TBX15: variants seen among roughly 807,000 people sequenced by gnomAD.
TBX15 encodes the protein T-box transcription factor 15.
Under a neutral mutation model 53.9 loss-of-function variants are expected in TBX15, and 18 were observed. The observed-to-expected ratio is 0.33, with a 90% confidence interval of 0.23 to 0.49. The LOEUF (loss-of-function observed/expected upper bound fraction) is 0.49, where lower values mean the gene tolerates loss of function less well. Among genes scored for constraint, TBX15 ranks in the 20% least tolerant of loss-of-function variants. The pLI, the probability that TBX15 is intolerant of heterozygous loss-of-function variation, is 0.98. For synonymous variants in TBX15, 295 were observed against 278.0 expected (o/e 1.06, Z -0.61); for missense variants, 692 against 749.5 (o/e 0.92, Z 0.90).
chr1:118,893,313 G>A (rs9659346), intron 7 of TBX15, among the ~76,000 whole-genome samples: 900 of 89,738 alleles, frequency 0.01, 12 homozygotes, highest in African/African-American at 0.022. Context: ...AAGGAAGGAA[G>A]GAAAGAAAGA....
chr1:118,885,506 T>C lies in TBX15; in HGVS notation c.1035A>G (p.Thr345=), dbSNP rs1257960087. The change falls in exon 8 of 8, where the codon ACA becomes ACG. Residue 345 remains threonine (T), a synonymous_variant. Transcript: ENST00000369429. ...TTMQKQQGGS[T]GTSPTTSSTG... is the part of the protein sequence containing the mutation. Reference sequence around the variant, plus strand: ...TGCTGGAGGTGGTTGGGGAAGTGCCTGTGCTGCCTCCTGAAAAATAAAACG... The same window carrying C: ...TGCTGGAGGTGGTTGGGGAAGTGCCCGTGCTGCCTCCTGAAAAATAAAACG... 6.3e-7 allele frequency: 1 copy of C among 1,589,874 alleles called. No individual in the cohort carries two copies. The highest frequency in any genetic ancestry group is 8.6e-7 in the Non-Finnish European group (1 of 1,166,408).
intron 6 of TBX15, among the ~76,000 whole-genome samples, chr1:118,909,854 T>C (rs1654972138): frequency 6.6e-6 from 1 of 152,200 alleles, no homozygotes; most frequent in Admixed American, 6.5e-5. Context: ...GTGCTGGGAT[T>C]ACAGGCATGA....
At position 118,885,251 on chromosome 1, in the gene TBX15, T is replaced by C. The variant is rs1431436853; in HGVS notation, c.1290A>G (p.Ser430=). The part of the protein sequence containing the change: ...GYNRLQSGTT[S]ATQPSETFMP... ...TGAAGGTTTCAGAGGGCTGAGTGGC[T>C]GAAGTGGTGCCACTCTGAAGCCTGT... Residue 430 remains serine, a synonymous_variant, in exon 8 of 8, where the codon TCA becomes TCG. Coordinates refer to ENST00000369429, the MANE Select transcript of TBX15 (RefSeq NM_001330677.2). 6.2e-7 allele frequency: 1 copy of C among 1,614,132 alleles called. No homozygotes were observed. The highest frequency in any genetic ancestry group is 1.7e-5 in the Admixed American group (1 of 60,006).
upstream of TBX15, among the ~76,000 whole-genome samples, chr1:118,989,185 T>A (rs1337463921): frequency 6.6e-6 from 1 of 152,038 alleles, no homozygotes; most frequent in East Asian, 1.9e-4. Flanking sequence ...GAGAAGGAGC[T>A]TTTTCAAAAT....
rs138836364 is a variant in TBX15, at chr1:118,973,254, C to G, written c.205+14337G>C. ...AGTTGCTCAAATCAGGTCTCCCTGA[C>G]TCCTCCCTGCAGTTCAGTGCTACTT... On this transcript the variant is annotated intron_variant, in intron 1 of 7. Transcript: ENST00000369429. Among the ~76,000 whole-genome samples the G allele has an allele frequency of 5.7e-3, 869 of 152,260 alleles. 8 individuals carry two copies. The highest frequency in any genetic ancestry group is 0.02 in the African/African-American group (835 of 41,550).
intron 1 of TBX15, among the ~76,000 whole-genome samples, chr1:118,937,003 G>A (rs887657349): frequency 1.3e-5 from 2 of 152,192 alleles, no homozygotes; most frequent in Non-Finnish European, 2.9e-5. Context: ...AAGGCTGACT[G>A]TGACAGATAC....
At chr1:118,885,543 G>T (rs1310359381) in intron 7 of TBX15, 27 bp from the exon 8 acceptor site, 2 of 1,554,846 alleles carry the variant, frequency 1.3e-6, no homozygotes, top group South Asian at 2.4e-5. Flanking sequence ...GAATACTATT[G>T]AGACAGAGTC....
At chr1:118,969,607 A>T (rs1657166563) in intron 1 of TBX15, among the ~76,000 whole-genome samples, 1 of 152,176 alleles carries the variant, frequency 6.6e-6, no homozygotes, top group South Asian at 2.1e-4. Context: ...TCTAAAGAGG[A>T]TACAGAATAA....
At position 118,885,203 on chromosome 1, in the gene TBX15, C is replaced by G. The variant is rs1425538314; in HGVS notation, c.1338G>C (p.Leu446=). 1.2e-6 allele frequency: 2 copies of G among 1,614,022 alleles called. No homozygotes were observed. Among genetic ancestry groups the G allele is most frequent in the South Asian group, 1.1e-5 (1 of 91,090 alleles). Residue 446 remains leucine, a synonymous_variant, in exon 8 of 8, where the codon CTG becomes CTC. Coordinates refer to ENST00000369429, the MANE Select transcript of TBX15 (RefSeq NM_001330677.2). ...ETFMPQRTPS[L]ISGIPTPPSL... is the part of the protein sequence containing the mutation. ...AGGGAGGAGTTGGTATTCCTGAGAT[C>G]AGGGATGGAGTCCTCTGAGGCATGA...
chr1:118,926,966 T>C (rs1358835455), intron 2 of TBX15, among the ~76,000 whole-genome samples: 1 of 152,078 alleles, frequency 6.6e-6, no homozygotes, highest in Non-Finnish European at 1.5e-5. Flanking sequence ...CCTCGTGATC[T>C]GCCCACCTCG....
In TBX15 at chr1:118,885,031, T is replaced by C; in HGVS notation, c.1510A>G (p.Ser504Gly). 4.3e-6 allele frequency: 7 copies of C among 1,614,112 alleles called. No individual in the cohort carries two copies. Among genetic ancestry groups the C allele is most frequent in the Non-Finnish European group, 5.9e-6 (7 of 1,180,006 alleles). ...TGAAGGGAGAAGGCATTGTAGGAGC[T>C]CTGCTGCATGTGGCTGCCCCCGAAC... ...HMFGGSHMQQ[S>G]SYNAFSLHNP... The change falls in exon 8 of 8, where the codon AGC (serine) becomes GGC (glycine). Residue 504 changes from serine to glycine, a missense_variant. By Grantham distance (56) the Ser-to-Gly change is moderately conservative (BLOSUM62 0). Coordinates refer to ENST00000369429, the MANE Select transcript of TBX15 (RefSeq NM_001330677.2).
chr1:118,956,360 C>T (rs1315792039), intron 1 of TBX15, among the ~76,000 whole-genome samples: 1 of 151,944 alleles, frequency 6.6e-6, no homozygotes, highest in South Asian at 2.1e-4. Context: ...TCAATGCATG[C>T]GTCTCCAGTT....
intron 1 of TBX15, among the ~76,000 whole-genome samples, chr1:118,957,075 C>T (rs1174776232): frequency 1.3e-5 from 2 of 152,170 alleles, no homozygotes; most frequent in African/African-American, 4.8e-5. Context: ...CTAGTTCCTG[C>T]CTACCTCCAT....
intron 4 of TBX15, among the ~76,000 whole-genome samples, chr1:118,923,834 G>A (rs944085149): frequency 6.6e-6 from 1 of 152,144 alleles, no homozygotes; most frequent in Non-Finnish European, 1.5e-5. Context: ...AAAGTAATAT[G>A]TTTGCTTCAA....
At chr1:118,947,086 T>C (rs1465150079) in intron 1 of TBX15, among the ~76,000 whole-genome samples, 3 of 152,202 alleles carry the variant, frequency 2.0e-5, no homozygotes, top group Non-Finnish European at 4.4e-5. Context: ...CTCCACCTCA[T>C]GTCCTCTAAG....
At chr1:118,909,931 C>A (rs1403248342) in intron 6 of TBX15, among the ~76,000 whole-genome samples, 1 of 152,148 alleles carries the variant, frequency 6.6e-6, no homozygotes, top group African/African-American at 2.4e-5. Context: ...GTATGCTCAG[C>A]CACAGGTCCC....
intron 6 of TBX15, among the ~76,000 whole-genome samples, chr1:118,907,644 G>A (rs1654883392): frequency 6.6e-6 from 1 of 152,194 alleles, no homozygotes; most frequent in Non-Finnish European, 1.5e-5. Flanking sequence ...AGGTATGTGT[G>A]CACATGCACC....
chr1:118,910,033 G>A (rs1654978944), intron 6 of TBX15, among the ~76,000 whole-genome samples: 1 of 152,192 alleles, frequency 6.6e-6, no homozygotes, highest in African/African-American at 2.4e-5. Flanking sequence ...TATGGGCTGA[G>A]AGAGACTCTC....
intron 4 of TBX15, 48 bp from the exon 5 acceptor site, chr1:118,923,651 C>T (rs1655501030): frequency 3.7e-6 from 6 of 1,609,986 alleles, no homozygotes; most frequent in South Asian, 1.1e-5. Context: ...AAGGAACCTA[C>T]ATTTTGTTCT....
Sources: allele counts gnomAD v4.1 joint callset (sites outside exome capture counted in the v4.1 genomes callset), GRCh38; gene constraint gnomAD v4.1.1; transcripts MANE v1.5; gene names NCBI Gene and HGNC (gene_info 2026-07-23, HGNC 2026-07-21).